The following SGCZ variants were observed in gnomAD, a reference collection of about 807,000 sequenced individuals.
SGCZ encodes zeta-sarcoglycan.
In SGCZ, 40 loss-of-function variants were observed where a neutral mutation model predicts 41.3. The ratio of observed to expected loss-of-function variants is 0.97; its 90% CI spans 0.75 to 1.26. SGCZ has a LOEUF of 1.26. Ranked by LOEUF, SGCZ falls within the 50% of genes most tolerant of loss-of-function variation. SGCZ has a pLI of 0.00. For synonymous variants in SGCZ, 206 were observed against 137.5 expected (o/e 1.50, Z -3.49); for missense variants, 552 against 369.8 (o/e 1.49, Z -4.04).
chr8:14,579,934 A>T (rs1804832580), intron 1 of SGCZ, among the ~76,000 whole-genome samples: 3 of 152,156 alleles, frequency 2.0e-5, no homozygotes, highest in African/African-American at 7.2e-5. Context: ...AAGGTTTAAG[A>T]TTAGTATATT....
At chr8:14,317,175 A>G (rs1019435146) in intron 3 of SGCZ, among the ~76,000 whole-genome samples, 4 of 152,084 alleles carry the variant, frequency 2.6e-5, no homozygotes, top group African/African-American at 9.6e-5. Flanking sequence ...ATTTAGCGCA[A>G]TGTTTGGCTG....
intron 1 of SGCZ, among the ~76,000 whole-genome samples, chr8:15,114,584 A>G (rs1316796148): frequency 1.3e-5 from 2 of 152,158 alleles, no homozygotes; most frequent in Non-Finnish European, 2.9e-5. Context: ...GCAGAAATCT[A>G]TCTATAGAGA....
chr8:14,143,767 C>T (rs1027603661), intron 5 of SGCZ, among the ~76,000 whole-genome samples: 67 of 152,022 alleles, frequency 4.4e-4, no homozygotes, highest in Non-Finnish European at 1.9e-4. Context: ...TGCCACCCTT[C>T]CCCTCTACAC....
chr8:14,361,109 CT>C (rs1803496544), intron 2 of SGCZ, among the ~76,000 whole-genome samples: 1 of 152,160 alleles, frequency 6.6e-6, no homozygotes, highest in South Asian at 2.1e-4. Context: ...CTCTTCATGT[CT>C]TGGACTCGCT....
At chr8:14,250,342 C>A (rs560335643) in intron 3 of SGCZ, among the ~76,000 whole-genome samples, 2 of 152,238 alleles carry the variant, frequency 1.3e-5, no homozygotes, top group South Asian at 4.1e-4. Context: ...CTCCACACCC[C>A]AATTTCCATG....
At chr8:14,208,470 A>C (rs1254899271) in intron 4 of SGCZ, among the ~76,000 whole-genome samples, 1 of 152,200 alleles carries the variant, frequency 6.6e-6, no homozygotes, top group African/African-American at 2.4e-5. Context: ...AAAAAGAAAA[A>C]TATATAGAGC....
intron 1 of SGCZ, among the ~76,000 whole-genome samples, chr8:15,049,996 G>A (rs1452757532): frequency 6.6e-6 from 1 of 152,056 alleles, no homozygotes; most frequent in Non-Finnish European, 1.5e-5. Flanking sequence ...CCAGTCTCAG[G>A]CATATCTTTA....
intron 5 of SGCZ, among the ~76,000 whole-genome samples, chr8:14,157,071 C>G (rs1014305671): frequency 6.6e-6 from 1 of 151,972 alleles, no homozygotes; most frequent in African/African-American, 2.4e-5. Flanking sequence ...CTATAGTTTT[C>G]TATGACTGGC....
At chr8:15,202,718 A>G (rs1204221811) in intron 1 of SGCZ, among the ~76,000 whole-genome samples, 7 of 152,208 alleles carry the variant, frequency 4.6e-5, no homozygotes, top group Admixed American at 3.3e-4. Context: ...CATTTTACAT[A>G]TATTTCTGAA....
chr8:14,308,486 G>A (rs768778259), intron 3 of SGCZ, among the ~76,000 whole-genome samples: 40 of 151,974 alleles, frequency 2.6e-4, no homozygotes, highest in Admixed American at 2.0e-3. Context: ...CAGGGTTCAA[G>A]CTTCAATGCA....
In SGCZ at chr8:14,252,383, A is replaced by T. The variant is rs531100849; in HGVS notation, c.337-14704T>A. Among the ~76,000 whole-genome samples the T allele has an allele frequency of 1.1e-4, 16 of 152,020 alleles. 1 individual carries two copies. The highest frequency in any genetic ancestry group is 4.6e-4 in the Admixed American group (7 of 15,246). On this transcript the variant is annotated intron_variant, in intron 3 of 7. Coordinates refer to ENST00000382080, the MANE Select transcript of SGCZ (RefSeq NM_139167.4). Reference sequence around the variant, plus strand: ...ATTTTTATTCCATTGTTCATTTCTGAAGCATTGATACATATATATGATGTA... The same window carrying T: ...ATTTTTATTCCATTGTTCATTTCTGTAGCATTGATACATATATATGATGTA...
At chr8:15,024,715 T>A (rs1803383369) in intron 1 of SGCZ, among the ~76,000 whole-genome samples, 1 of 152,012 alleles carries the variant, frequency 6.6e-6, no homozygotes, top group South Asian at 2.1e-4. Flanking sequence ...GGCGGGCAGA[T>A]CATGAGGTCA....
At position 14,102,386 on chromosome 8, in the gene SGCZ, G is replaced by A. The variant is rs372898079; in HGVS notation, c.734C>T (p.Thr245Ile). 13 of 1,512,834 alleles carry A rather than the reference G, an allele frequency of 8.6e-6. No homozygotes were observed. Among genetic ancestry groups the A allele is most frequent in the Non-Finnish European group, 1.2e-5 (13 of 1,116,684 alleles). 93.7% of individuals were successfully genotyped at this position (1,512,834 alleles called of 1,614,324 possible). ...TCRKELHLQS[T>I]EGEIFLNAET... ...CTTTCTGGGACTCACCTCCCCTTCTGTAGATTGCAGATGGAGCTCCTTCCT... is the reference window on the plus strand; with the variant it reads ...CTTTCTGGGACTCACCTCCCCTTCTATAGATTGCAGATGGAGCTCCTTCCT... Residue 245 changes from threonine (T) to isoleucine (I), a missense_variant, in exon 7 of 8, where the codon ACA becomes ATA. Transcript: ENST00000382080.
chr8:14,315,657 T>G (rs1453622064), intron 3 of SGCZ, among the ~76,000 whole-genome samples: 1 of 152,014 alleles, frequency 6.6e-6, no homozygotes, highest in Non-Finnish European at 1.5e-5. Context: ...AAACACTTGA[T>G]AATAACTTCA....
intron 1 of SGCZ, among the ~76,000 whole-genome samples, chr8:15,005,515 G>C (rs989225649): frequency 6.6e-6 from 1 of 151,920 alleles, no homozygotes; most frequent in African/African-American, 2.4e-5. Flanking sequence ...ATTTTCAGTA[G>C]AGATGGTGTT....
intron 1 of SGCZ, among the ~76,000 whole-genome samples, chr8:14,671,310 A>C (rs1808095112): frequency 6.6e-6 from 1 of 152,288 alleles, no homozygotes; most frequent in South Asian, 2.1e-4. Flanking sequence ...TTGGGCTTCA[A>C]CTTTGGAGAC....
In SGCZ at chr8:14,651,005, G is replaced by C. The variant is rs199942884; in HGVS notation, c.40-96079C>G. The stretch of plus-strand genomic sequence containing the variant: ...ATAAACTATAAAACCAAGTCTATTT[G>C]ATAAATGCAGACTTATCTAGTAGTT... On this transcript the variant is annotated intron_variant, in intron 1 of 7. Coordinates refer to ENST00000382080, the MANE Select transcript of SGCZ (RefSeq NM_139167.4). 2.6e-4 allele frequency among the ~76,000 whole-genome samples: 39 copies of C among 151,964 alleles called. No individual in the cohort carries two copies. In the East Asian group the frequency reaches 7.0e-3, roughly 27 times the overall value.
chr8:15,135,683 G>C (rs966514221), intron 1 of SGCZ, among the ~76,000 whole-genome samples: 2 of 152,152 alleles, frequency 1.3e-5, no homozygotes, highest in African/African-American at 4.8e-5. Flanking sequence ...ACAGTGTTTA[G>C]ACTGTGTGTA....
chr8:15,035,539 A>G (rs1056837269), intron 1 of SGCZ, among the ~76,000 whole-genome samples: 4 of 152,112 alleles, frequency 2.6e-5, no homozygotes, highest in Non-Finnish European at 4.4e-5. Flanking sequence ...GTATTCTCTA[A>G]TCAAATGACA....
Sources: allele counts gnomAD v4.1 joint callset (sites outside exome capture counted in the v4.1 genomes callset), GRCh38; gene constraint gnomAD v4.1.1; transcripts MANE v1.5; gene names NCBI Gene and HGNC (gene_info 2026-07-23, HGNC 2026-07-21).